FAM163A: variants seen among roughly 807,000 people sequenced by gnomAD.
FAM163A encodes the protein protein FAM163A.
A neutral mutation model predicts 12.0 loss-of-function variants in FAM163A; 7 were observed. That is an observed-to-expected ratio of 0.58 (90% CI 0.33 to 1.10). FAM163A has a LOEUF of 1.10. Among genes scored for constraint, FAM163A ranks in the 50% least tolerant of loss-of-function variants. The pLI is 0.03. For missense variants in FAM163A, 202 were observed against 218.6 expected (o/e 0.92, Z 0.48); for synonymous variants, 101 against 91.0 (o/e 1.11, Z -0.62).
At chr1:179,749,739 A>G (rs1185804360) in intron 1 of FAM163A, among the ~76,000 whole-genome samples, 1 of 152,118 alleles carries the variant, frequency 6.6e-6, no homozygotes, top group African/African-American at 2.4e-5. Flanking sequence ...TGTGCCTGTA[A>G]TCCCAGCTAC....
chr1:179,781,927 C>A (rs1689809868), intron 1 of FAM163A, among the ~76,000 whole-genome samples: 1 of 112,376 alleles, frequency 8.9e-6, no homozygotes, highest in African/African-American at 3.7e-5. Flanking sequence ...GAGCAAGAAT[C>A]CGTATCAAAA....
At chr1:179,739,521 G>A (rs1043297216), upstream of FAM163A, among the ~76,000 whole-genome samples, 1 of 116,060 alleles carries the variant, frequency 8.6e-6, no homozygotes, top group South Asian at 3.5e-4. Flanking sequence ...AAAACATTAT[G>A]AGAATTGTTT....
chr1:179,791,866 C>T (rs958352308), intron 1 of FAM163A, among the ~76,000 whole-genome samples: 6 of 152,162 alleles, frequency 3.9e-5, no homozygotes, highest in South Asian at 2.1e-4. Context: ...GGATGCTGGT[C>T]GAACTGCCTC....
intron 4 of FAM163A, 43 bp from the exon 5 acceptor site, chr1:179,813,736 G>A: frequency 6.2e-7 from 1 of 1,608,584 alleles, no homozygotes; most frequent in Non-Finnish European, 8.5e-7. Context: ...TGGGGCGGGG[G>A]GAGCATTCAC....
At chr1:179,802,412 C>A (rs574477646) in intron 1 of FAM163A, among the ~76,000 whole-genome samples, 1 of 152,332 alleles carries the variant, frequency 6.6e-6, no homozygotes, top group South Asian at 2.1e-4. Context: ...TGGTCCTCTG[C>A]TTTCAGCAGG....
Position 179,813,061 on chromosome 1 carries a change from C to T in FAM163A, c.-22-15C>T, listed in dbSNP as rs1424836509. ...CAGCCACAGCTGGTCCTCAGCCCTCCGCACATCTTTGCAGAGTTTGATGGG... is the reference window on the plus strand; with the variant it reads ...CAGCCACAGCTGGTCCTCAGCCCTCTGCACATCTTTGCAGAGTTTGATGGG... On this transcript the variant is annotated splice_polypyrimidine_tract_variant and intron_variant, in intron 3 of 4. Transcript: ENST00000341785. 1.3e-6 allele frequency: 2 copies of T among 1,549,764 alleles called. No homozygotes were observed. The highest frequency in any genetic ancestry group is 1.7e-6 in the Non-Finnish European group (2 of 1,145,406).
At chr1:179,782,032 G>A (rs950556248) in intron 1 of FAM163A, among the ~76,000 whole-genome samples, 3 of 151,976 alleles carry the variant, frequency 2.0e-5, no homozygotes, top group East Asian at 1.9e-4. Context: ...TATCAGGGCC[G>A]GCTTGGGAGG....
chr1:179,733,995 G>A, the FAM163A span, among the ~76,000 whole-genome samples: 1 of 152,078 alleles, frequency 6.6e-6, no homozygotes, highest in Admixed American at 6.5e-5. Context: ...AAGGTAAATT[G>A]GTGTGTTCCT....
At chr1:179,810,658 A>G (rs1694585562) in intron 2 of FAM163A, among the ~76,000 whole-genome samples, 1 of 151,910 alleles carries the variant, frequency 6.6e-6, no homozygotes, top group African/African-American at 2.4e-5. Flanking sequence ...AGGTTCCGCA[A>G]CTCTAGTCTG....
intron 1 of FAM163A, among the ~76,000 whole-genome samples, chr1:179,774,054 C>T (rs770723360): frequency 6.6e-6 from 1 of 152,230 alleles, no homozygotes; most frequent in Non-Finnish European, 1.5e-5. Context: ...ATCCTGTCAT[C>T]TTTGTCCATG....
chr1:179,804,487 G>A (rs888985086), intron 1 of FAM163A, among the ~76,000 whole-genome samples: 5 of 152,146 alleles, frequency 3.3e-5, no homozygotes, highest in Non-Finnish European at 5.9e-5. Flanking sequence ...TCATTCTATC[G>A]TAAAGACACA....
intron 2 of FAM163A, 113 bp from the exon 3 acceptor site, chr1:179,811,996 CA>C (rs1423314585): frequency 1.3e-5 from 2 of 152,580 alleles, no homozygotes; most frequent in African/African-American, 4.8e-5. Context: ...GATGATATGC[CA>C]CACAGCGAAG....
At chr1:179,767,626 C>G (rs563244282) in intron 1 of FAM163A, among the ~76,000 whole-genome samples, 1 of 152,110 alleles carries the variant, frequency 6.6e-6, no homozygotes, top group Non-Finnish European at 1.5e-5. Context: ...CCCTGTCCCC[C>G]ACTCCTACCT....
At chr1:179,744,621 C>T (rs964066302) in intron 1 of FAM163A, among the ~76,000 whole-genome samples, 3 of 152,184 alleles carry the variant, frequency 2.0e-5, no homozygotes, top group Admixed American at 6.5e-5. Context: ...AACTGTGGGG[C>T]CCTGGAAGTT....
intron 2 of FAM163A, among the ~76,000 whole-genome samples, chr1:179,809,798 T>A (rs1422740710): frequency 1.3e-5 from 2 of 152,110 alleles, no homozygotes; most frequent in Non-Finnish European, 2.9e-5. Context: ...CAGCGACGAA[T>A]ATGCAGGGAA....
At chr1:179,810,729 C>T (rs1385507811) in intron 2 of FAM163A, among the ~76,000 whole-genome samples, 1 of 152,160 alleles carries the variant, frequency 6.6e-6, no homozygotes, top group Non-Finnish European at 1.5e-5. Flanking sequence ...CTTTTCATCA[C>T]TAGGCAATAA....
intron 1 of FAM163A, among the ~76,000 whole-genome samples, chr1:179,761,553 C>T (rs1211392716): frequency 6.6e-6 from 1 of 152,218 alleles, no homozygotes; most frequent in Admixed American, 6.5e-5. Context: ...TATTTATTAA[C>T]TGGACTTTAT....
intron 1 of FAM163A, among the ~76,000 whole-genome samples, chr1:179,802,721 A>G (rs961779128): frequency 5.9e-5 from 9 of 152,192 alleles, no homozygotes; most frequent in African/African-American, 1.9e-4. Context: ...ATCTGCACCA[A>G]TGCTTGGCAT....
intron 1 of FAM163A, among the ~76,000 whole-genome samples, chr1:179,782,843 C>T (rs561207053): frequency 0.011 from 1,628 of 152,304 alleles, 23 homozygotes; most frequent in African/African-American, 0.037. Flanking sequence ...ATCCAGACCT[C>T]CCACCCCTGG....
Sources: gnomAD v4.1 joint callset for allele counts (sites outside exome capture counted in the v4.1 genomes callset) on GRCh38, gnomAD v4.1.1 for gene constraint, MANE v1.5 for transcripts, NCBI Gene and HGNC (gene_info 2026-07-23, HGNC 2026-07-21) for gene names.